Variants in DCLK2 observed in about 807,000 individuals in gnomAD.
DCLK2 encodes the protein serine/threonine-protein kinase DCLK2.
Under a neutral mutation model 78.4 loss-of-function variants are expected in DCLK2, and 31 were observed. The ratio of observed to expected loss-of-function variants is 0.40; its 90% CI spans 0.30 to 0.53. DCLK2 has a LOEUF of 0.53. Ranked by LOEUF, DCLK2 falls within the 20% of genes least tolerant of loss-of-function variation. The pLI is 0.61. For missense variants in DCLK2, 872 were observed against 973.7 expected (o/e 0.90, Z 1.39); for synonymous variants, 407 against 374.9 (o/e 1.09, Z -0.99).
At chr4:150,255,913 C>T (rs1744521972) in intron 15 of DCLK2, 107 bp from the exon 16 acceptor site, 1 of 1,472,696 alleles carries the variant, frequency 6.8e-7, no homozygotes, top group Non-Finnish European at 9.0e-7. Context: ...TATTTCTCCT[C>T]TTCTGTTTCT....
chr4:150,163,136 G>A (rs923129932), intron 2 of DCLK2, among the ~76,000 whole-genome samples: 7 of 152,102 alleles, frequency 4.6e-5, no homozygotes, highest in Non-Finnish European at 8.8e-5. Flanking sequence ...GGTGGCTCAC[G>A]CCTGTAATTC....
intron 2 of DCLK2, among the ~76,000 whole-genome samples, chr4:150,146,180 A>G (rs1218729144): frequency 6.6e-6 from 1 of 152,248 alleles, no homozygotes; most frequent in Non-Finnish European, 1.5e-5. Flanking sequence ...CAAGATCTGC[A>G]GGAGAAAAGT....
chr4:150,181,050 T>C (rs1002411028), intron 2 of DCLK2, among the ~76,000 whole-genome samples: 1 of 152,186 alleles, frequency 6.6e-6, no homozygotes, highest in Non-Finnish European at 1.5e-5. Context: ...TATGTCACAG[T>C]CTTTGTCCAA....
At position 150,138,855 on chromosome 4, in the gene DCLK2, A is replaced by G. The variant is rs529960744; in HGVS notation, c.756+36043A>G. Among the ~76,000 whole-genome samples the G allele has an allele frequency of 3.2e-4, 48 of 152,132 alleles. 1 individual carries two copies. The East Asian group carries it at 3.9e-3, about 12-fold the overall frequency. On this transcript the variant is annotated intron_variant, in intron 2 of 15. Transcript: ENST00000296550. ...TAATTTTTGTATTTTTAGTAGAGAC[A>G]GGGTTTCACCTTGTTAGCCAGGATG...
chr4:150,089,814 G>A (rs1158240969), intron 1 of DCLK2, among the ~76,000 whole-genome samples: 1 of 152,146 alleles, frequency 6.6e-6, no homozygotes, highest in African/African-American at 2.4e-5. Flanking sequence ...AAACTAAATT[G>A]GTGTTCCCAG....
intron 4 of DCLK2, among the ~76,000 whole-genome samples, chr4:150,202,266 C>T (rs551228647): frequency 6.6e-6 from 1 of 152,198 alleles, no homozygotes; most frequent in South Asian, 2.1e-4. Context: ...GTAATCAGGG[C>T]TGTTGAATAC....
intron 4 of DCLK2, chr4:150,198,916 C>T (rs141347977): frequency 1.7e-6 from 1 of 579,130 alleles, no homozygotes; most frequent in Non-Finnish European, 2.9e-6. Flanking sequence ...CAGCACCCCC[C>T]CCCCCACTTT....
At chr4:150,145,925 A>G (rs997084992) in intron 2 of DCLK2, among the ~76,000 whole-genome samples, 1 of 152,262 alleles carries the variant, frequency 6.6e-6, no homozygotes, top group Non-Finnish European at 1.5e-5. Context: ...AAAAACACAG[A>G]AACTATCAGT....
At chr4:150,233,982 A>C (rs946804886) in intron 10 of DCLK2, among the ~76,000 whole-genome samples, 1 of 151,976 alleles carries the variant, frequency 6.6e-6, no homozygotes, top group Non-Finnish European at 1.5e-5. Flanking sequence ...CTTTATTTCC[A>C]CCTTTCAGGG....
intron 2 of DCLK2, among the ~76,000 whole-genome samples, chr4:150,111,130 T>C (rs1372871017): frequency 3.9e-5 from 6 of 152,194 alleles, no homozygotes; most frequent in African/African-American, 1.4e-4. Flanking sequence ...CTTCACTACA[T>C]CCACATCAGC....
rs183128265 is a variant in DCLK2 at position 150,145,272 on chromosome 4, C to A, written c.756+42460C>A. Among the ~76,000 whole-genome samples, 3 of 152,284 alleles carry A rather than the reference C, an allele frequency of 2.0e-5. No individual in the cohort carries two copies. The East Asian group carries it at 5.8e-4, about 29-fold the overall frequency. On this transcript the variant is annotated intron_variant, in intron 2 of 15. Transcript: ENST00000296550. ...ATTTCCTCTGCATTACCAGGCATCA[C>A]CCCCAGGGTTTACTGGGAGGCAAGT...
chr4:150,228,626 C>G (rs1019656028), intron 8 of DCLK2, among the ~76,000 whole-genome samples: 2 of 152,210 alleles, frequency 1.3e-5, no homozygotes, highest in African/African-American at 4.8e-5. Context: ...CTACCTGACC[C>G]AGCTGTGAGT....
At chr4:150,216,295 G>C (rs1026772696) in intron 5 of DCLK2, among the ~76,000 whole-genome samples, 1 of 152,236 alleles carries the variant, frequency 6.6e-6, no homozygotes, top group African/African-American at 2.4e-5. Context: ...GATGCTAGCA[G>C]TTGAGAGCAT....
chr4:150,184,945 G>T (rs182448654), intron 2 of DCLK2, among the ~76,000 whole-genome samples: 2 of 152,094 alleles, frequency 1.3e-5, no homozygotes, highest in African/African-American at 4.8e-5. Context: ...CCCCACTCGG[G>T]TTCAGAATGT....
chr4:150,192,024 T>C (rs552378631), intron 2 of DCLK2, among the ~76,000 whole-genome samples: 2 of 152,070 alleles, frequency 1.3e-5, no homozygotes, highest in East Asian at 1.9e-4. Flanking sequence ...ACATATCCCA[T>C]TGAAAACTGG....
At chr4:150,079,469 A>G in intron 1 of DCLK2, 21 bp downstream of exon 1, 4 of 1,453,942 alleles carry the variant, frequency 2.8e-6, no homozygotes, top group Non-Finnish European at 3.6e-6. Context: ...AGGGCGCCGC[A>G]CGGCAGGTGC....
At position 150,200,966 on chromosome 4, in the gene DCLK2, C is replaced by T. The variant is rs566221769; in HGVS notation, c.962-2829C>T. On this transcript the variant is annotated intron_variant, in intron 4 of 15. Transcript: ENST00000296550. ...CCGAGTAGCTGGGACTACAGGCGTG[C>T]GCCACCACGCCTGGCTAATTTTTGT... is the stretch of plus-strand genomic sequence containing the variant. Among the ~76,000 whole-genome samples the T allele has an allele frequency of 3.7e-4, 57 of 152,100 alleles. 2 individuals are homozygous for T. Among genetic ancestry groups the T allele is most frequent in the Admixed American group, 9.8e-4 (15 of 15,258 alleles).
chr4:150,224,574 C>G lies in DCLK2; in HGVS notation c.1299+16C>G, dbSNP rs200209121. 7.5e-6 allele frequency: 12 copies of G among 1,594,912 alleles called. No homozygotes were observed. Among genetic ancestry groups the G allele is most frequent in the Non-Finnish European group, 1.0e-5 (12 of 1,173,152 alleles). ...TTGTGGAAAGGTATAGTATGCATAA[C>G]CCCTAGTTCTGAAAGAAACTAGAGT... is the stretch of plus-strand genomic sequence containing the variant. On this transcript the variant is annotated intron_variant, in intron 8 of 15. Coordinates refer to ENST00000296550, the MANE Select transcript of DCLK2 (RefSeq NM_001040260.4).
rs766747944 is a variant in DCLK2, at chr4:150,079,359, C to T, written c.332C>T (p.Ser111Leu). ...CTCATAGAGCTCACCCGCTCCCTGTCGGACAACGTGAACCTGCCCCAGGGT... is the reference window on the plus strand; with the variant it reads ...CTCATAGAGCTCACCCGCTCCCTGTTGGACAACGTGAACCTGCCCCAGGGT... The part of the protein sequence containing the change: ...ALLIELTRSL[S>L]DNVNLPQGVR... The change falls in exon 1 of 16, where the codon TCG becomes TTG. Residue 111 changes from serine to leucine, a missense_variant. Ser to Leu is a moderately radical substitution (Grantham distance 145, BLOSUM62 -2). This residue lies in a region of DCLK2 where 567 missense variants were observed against 593.4 expected (regional missense o/e 0.96). Transcript: ENST00000296550. The T allele has an allele frequency of 1.3e-6, 2 of 1,588,874 alleles. No individual in the cohort carries two copies. Among genetic ancestry groups the T allele is most frequent in the South Asian group, 1.1e-5 (1 of 87,334 alleles).
Sources: allele counts gnomAD v4.1 joint callset (sites outside exome capture counted in the v4.1 genomes callset), GRCh38; gene constraint gnomAD v4.1.1; regional missense constraint gnomAD v4.1.1; transcripts MANE v1.5; gene names NCBI Gene and HGNC (gene_info 2026-07-23, HGNC 2026-07-21).